The following NRG3 variants were observed in gnomAD, a reference collection of about 807,000 sequenced individuals.
NRG3 encodes neuregulin 3.
Under a neutral mutation model 66.9 loss-of-function variants are expected in NRG3, and 31 were observed. The observed-to-expected ratio is 0.46, with a 90% CI of 0.35 to 0.63. NRG3 has a LOEUF of 0.63. Ranked by LOEUF, NRG3 falls within the 20% of genes least tolerant of loss-of-function variation. The pLI is 0.00. For missense variants in NRG3, 910 were observed against 878.9 expected (o/e 1.04, Z -0.45); for synonymous variants, 393 against 359.4 (o/e 1.09, Z -1.06).
chr10:82,339,464 A>C (rs2082566111), intron 1 of NRG3, among the ~76,000 whole-genome samples: 1 of 152,128 alleles, frequency 6.6e-6, no homozygotes, highest in African/African-American at 2.4e-5. Context: ...TAAAACCATC[A>C]GATCTTGTGA....
chr10:82,725,076 T>A (rs1264874948), intron 2 of NRG3, among the ~76,000 whole-genome samples: 2 of 152,182 alleles, frequency 1.3e-5, no homozygotes, highest in African/African-American at 4.8e-5. Flanking sequence ...AGGTTATCAT[T>A]GCCCTCTGTT....
chr10:82,726,079 C>A (rs2057580599), intron 2 of NRG3, among the ~76,000 whole-genome samples: 1 of 152,116 alleles, frequency 6.6e-6, no homozygotes, highest in Non-Finnish European at 1.5e-5. Context: ...AAGGTGGGGT[C>A]TGCAACCCAA....
intron 2 of NRG3, among the ~76,000 whole-genome samples, chr10:82,539,208 C>T (rs544714693): frequency 7.9e-5 from 12 of 152,150 alleles, no homozygotes; most frequent in Non-Finnish European, 1.2e-4. Flanking sequence ...GAAACACTCC[C>T]GGTAATGAAG....
intron 1 of NRG3, among the ~76,000 whole-genome samples, chr10:81,973,431 G>A (rs1373964528): frequency 6.6e-6 from 1 of 152,110 alleles, no homozygotes; most frequent in African/African-American, 2.4e-5. Flanking sequence ...CCCAGTAATG[G>A]GATTGTTGGG....
intron 2 of NRG3, among the ~76,000 whole-genome samples, chr10:82,582,662 T>TTGTGTGTGTGTGTG (rs141112949): frequency 4.1e-5 from 6 of 146,378 alleles, no homozygotes; most frequent in Non-Finnish European, 7.6e-5. Context: ...TCTATATGTG[T>TTGTGTGTGTGTGTG]TGTGTGTGTG....
At chr10:82,399,953 T>A (rs1433667244) in intron 2 of NRG3, among the ~76,000 whole-genome samples, 1 of 152,160 alleles carries the variant, frequency 6.6e-6, no homozygotes, top group Non-Finnish European at 1.5e-5. Flanking sequence ...CTGTTGTACT[T>A]CTATGCCATT....
At chr10:82,192,972 TGAGAGAGAGAGA>T (rs5786538) in intron 1 of NRG3, among the ~76,000 whole-genome samples, 2 of 139,788 alleles carry the variant, frequency 1.4e-5, no homozygotes, top group South Asian at 4.5e-4. Context: ...AGGAAGAAAG[TGAGAGAGAGAGA>T]GAGAGAGAGA....
chr10:82,867,020 G>A (rs1257390676), intron 4 of NRG3, among the ~76,000 whole-genome samples: 1 of 152,148 alleles, frequency 6.6e-6, no homozygotes, highest in Non-Finnish European at 1.5e-5. Context: ...CCATTAATAT[G>A]ATAAACTATA....
At chr10:82,123,577 G>A (rs1445369157) in intron 1 of NRG3, among the ~76,000 whole-genome samples, 1 of 152,142 alleles carries the variant, frequency 6.6e-6, no homozygotes, top group Non-Finnish European at 1.5e-5. Context: ...CTCCTTCTGT[G>A]TTCCTAGTGT....
intron 1 of NRG3, among the ~76,000 whole-genome samples, chr10:82,346,917 T>A (rs1235942114): frequency 6.6e-6 from 1 of 152,016 alleles, no homozygotes; most frequent in Non-Finnish European, 1.5e-5. Context: ...TGATATCCCC[T>A]TTATCATTTT....
At chr10:82,148,146 TA>T (rs2132728231) in intron 1 of NRG3, among the ~76,000 whole-genome samples, 1 of 152,264 alleles carries the variant, frequency 6.6e-6, no homozygotes, top group Non-Finnish European at 1.5e-5. Flanking sequence ...TTTGAAAACT[TA>T]GATTCCTAGA....
chr10:82,169,077 T>C (rs1315391802), intron 1 of NRG3, among the ~76,000 whole-genome samples: 2 of 152,142 alleles, frequency 1.3e-5, no homozygotes, highest in African/African-American at 4.8e-5. Flanking sequence ...CAGCTTACCA[T>C]CTTAATACTC....
chr10:81,897,715 G>T (rs1040586813), intron 1 of NRG3, among the ~76,000 whole-genome samples: 3 of 152,138 alleles, frequency 2.0e-5, no homozygotes, highest in African/African-American at 4.8e-5. Flanking sequence ...TTGTGTGGAA[G>T]GGAGGGAATA....
At chr10:82,875,751 G>A (rs1841764203) in intron 4 of NRG3, among the ~76,000 whole-genome samples, 1 of 152,152 alleles carries the variant, frequency 6.6e-6, no homozygotes, top group African/African-American at 2.4e-5. Context: ...CAAGTATTTT[G>A]TTTTAACAAA....
At position 82,170,654 on chromosome 10, in the gene NRG3, G is replaced by GTGTATATATATA. The variant is rs1554839695; in HGVS notation, c.824-188084_824-188083insGTATATATATAT. ...TGAGATGATGTTTATAAAACTTGTG[G>GTGTATATATATA]TATATATATATATATATATATATAT... On this transcript the variant is annotated intron_variant, in intron 1 of 8. Coordinates refer to ENST00000372141, the MANE Select transcript of NRG3 (RefSeq NM_001010848.4). Among the ~76,000 whole-genome samples the GTGTATATATATA allele has an allele frequency of 6.7e-4, 50 of 74,192 alleles. 4 individuals are homozygous for GTGTATATATATA. The highest frequency in any genetic ancestry group is 1.1e-3 in the Non-Finnish European group (35 of 32,630). 48.7% of individuals were successfully genotyped at this position (74,192 alleles called of 152,430 possible). A position where few individuals can be genotyped will look rare whatever the true frequency, so the allele number is the denominator to read the frequency against.
At chr10:82,626,956 C>A (rs2049467667) in intron 2 of NRG3, among the ~76,000 whole-genome samples, 1 of 152,008 alleles carries the variant, frequency 6.6e-6, no homozygotes, top group Non-Finnish European at 1.5e-5. Flanking sequence ...TTTCTATTAT[C>A]AGCTACCTTG....
intron 4 of NRG3, among the ~76,000 whole-genome samples, chr10:82,906,334 A>G (rs191877041): frequency 1.4e-4 from 22 of 152,274 alleles, no homozygotes; most frequent in African/African-American, 5.1e-4. Flanking sequence ...TCATGACAGC[A>G]ATGTTAAAAT....
intron 1 of NRG3, among the ~76,000 whole-genome samples, chr10:82,309,503 C>G (rs774639183): frequency 6.6e-6 from 1 of 151,986 alleles, no homozygotes; most frequent in Admixed American, 6.6e-5. Context: ...TCTTAAGAAG[C>G]CCTTCACTGA....
chr10:82,172,181 A>G (rs614287), intron 1 of NRG3, among the ~76,000 whole-genome samples: 87,461 of 151,900 alleles, frequency 0.58, 27,228 homozygotes, highest in Non-Finnish European at 0.71. Context: ...CATTGGAATT[A>G]AAATTGGTGA....
Sources: allele counts gnomAD v4.1 joint callset (sites outside exome capture counted in the v4.1 genomes callset), GRCh38; gene constraint gnomAD v4.1.1; transcripts MANE v1.5; gene names NCBI Gene and HGNC (gene_info 2026-07-23, HGNC 2026-07-21).